MGMT: variants seen among roughly 807,000 people sequenced by gnomAD.
MGMT encodes methylated-DNA--protein-cysteine methyltransferase.
MGMT carries 14 observed loss-of-function variants against 15.9 expected under a neutral mutation model. The observed-to-expected ratio is 0.88, with a 90% CI of 0.58 to 1.37. The LOEUF (loss-of-function observed/expected upper bound fraction) is 1.37. Among genes scored for constraint, MGMT ranks in the 40% most tolerant of loss-of-function variants. MGMT has a pLI of 0.00. For synonymous variants in MGMT, 130 were observed against 118.2 expected (o/e 1.10, Z -0.65); for missense variants, 282 against 268.1 (o/e 1.05, Z -0.36).
At chr10:129,709,420 T>C (rs886959463) in intron 3 of MGMT, among the ~76,000 whole-genome samples, 1 of 152,146 alleles carries the variant, frequency 6.6e-6, no homozygotes, top group Admixed American at 6.5e-5. Context: ...AGTCAGAGAT[T>C]GGTTTTGTTT....
At chr10:129,687,414 A>G (rs905943597) in intron 2 of MGMT, among the ~76,000 whole-genome samples, 2 of 152,166 alleles carry the variant, frequency 1.3e-5, no homozygotes, top group Non-Finnish European at 2.9e-5. Flanking sequence ...CTGGACTGAA[A>G]ATTTAATAAG....
chr10:129,509,577 G>A (rs12257003), intron 1 of MGMT, among the ~76,000 whole-genome samples: 8,869 of 152,246 alleles, frequency 0.058, 870 homozygotes, highest in African/African-American at 0.2. Context: ...TAAATCTTGA[G>A]TTAAAATTCT....
rs1014419754 is a variant in MGMT, at chr10:129,544,461, G to A, written c.125+8084G>A. Among the ~76,000 whole-genome samples, 26 of 152,322 alleles carry A rather than the reference G, an allele frequency of 1.7e-4. 1 individual carries two copies. Among genetic ancestry groups the A allele is most frequent in the African/African-American group, 5.5e-4 (23 of 41,578 alleles). ...CAGCTTAGAGGCTTGTGGGGGTTTG[G>A]GTGTAGCCCCGTGCACAGTATCCTG... On this transcript the variant is annotated intron_variant, in intron 2 of 4. Transcript: ENST00000651593.
intron 2 of MGMT, among the ~76,000 whole-genome samples, chr10:129,594,864 G>A (rs181100874): frequency 7.9e-5 from 12 of 152,270 alleles, no homozygotes; most frequent in African/African-American, 2.4e-4. Context: ...ATTCCCCTGC[G>A]AGTTACACAC....
chr10:129,490,043 G>C (rs7082744), intron 1 of MGMT, among the ~76,000 whole-genome samples: 8,935 of 152,104 alleles, frequency 0.059, 861 homozygotes, highest in African/African-American at 0.2. Context: ...AATGATGCTT[G>C]CTATAGACTT....
intron 2 of MGMT, among the ~76,000 whole-genome samples, chr10:129,590,421 T>C (rs1279057376): frequency 1.3e-5 from 2 of 152,200 alleles, no homozygotes; most frequent in Non-Finnish European, 2.9e-5. Flanking sequence ...AACTCAGCAT[T>C]ATTTAAATTT....
chr10:129,698,979 G>T (rs926162645), intron 2 of MGMT, among the ~76,000 whole-genome samples: 1 of 152,178 alleles, frequency 6.6e-6, no homozygotes, highest in Non-Finnish European at 1.5e-5. Context: ...AAACACAAGT[G>T]CAGTAAGCTT....
At chr10:129,703,271 A>C (rs1275498119) in intron 2 of MGMT, among the ~76,000 whole-genome samples, 1 of 152,216 alleles carries the variant, frequency 6.6e-6, no homozygotes. Context: ...AAATTCTTCA[A>C]ATATCCCTTT....
In MGMT at chr10:129,641,547, C is replaced by A. The variant is rs1008409808; in HGVS notation, c.126-66348C>A. ...ATCATATAATTCCTTCAAGAATGGT[C>A]ATTAAATTCTGGATTTCACAGTTTC... On this transcript the variant is annotated intron_variant, in intron 2 of 4. Coordinates refer to ENST00000651593, the MANE Select transcript of MGMT (RefSeq NM_002412.5). Among the ~76,000 whole-genome samples the A allele has an allele frequency of 8.5e-5, 13 of 152,272 alleles. No individual in the cohort carries two copies. In the East Asian group the frequency reaches 2.5e-3, roughly 29 times the overall value.
intron 3 of MGMT, among the ~76,000 whole-genome samples, chr10:129,737,580 T>C (rs1392756257): frequency 6.6e-6 from 1 of 152,256 alleles, no homozygotes; most frequent in East Asian, 1.9e-4. Flanking sequence ...CATCCAGCTT[T>C]GTTCCGTTGC....
intron 3 of MGMT, among the ~76,000 whole-genome samples, chr10:129,726,779 G>T (rs1848439392): frequency 6.6e-6 from 1 of 152,128 alleles, no homozygotes; most frequent in Non-Finnish European, 1.5e-5. Flanking sequence ...CTAATTAAAA[G>T]CATCAGAATT....
chr10:129,715,044 A>G (rs900911270), intron 3 of MGMT, among the ~76,000 whole-genome samples: 24 of 152,186 alleles, frequency 1.6e-4, no homozygotes, highest in African/African-American at 5.5e-4. Flanking sequence ...GCCCTCACAC[A>G]GAGTAATTTA....
At chr10:129,586,318 C>A (rs1394324786) in intron 2 of MGMT, among the ~76,000 whole-genome samples, 2 of 152,168 alleles carry the variant, frequency 1.3e-5, no homozygotes, top group Admixed American at 1.3e-4. Context: ...TTTCCTCTTG[C>A]ACCTCTGTGA....
chr10:129,689,804 G>A (rs899924132), intron 2 of MGMT, among the ~76,000 whole-genome samples: 1 of 152,180 alleles, frequency 6.6e-6, no homozygotes, highest in Non-Finnish European at 1.5e-5. Context: ...TGCTGTGTGG[G>A]GTTTCAAATC....
chr10:129,640,313 G>T (rs111926459), intron 2 of MGMT, among the ~76,000 whole-genome samples: 1 of 151,982 alleles, frequency 6.6e-6, no homozygotes, highest in South Asian at 2.1e-4. Context: ...GGCCAGGCTG[G>T]TCTCAAACTC....
intron 2 of MGMT, among the ~76,000 whole-genome samples, chr10:129,617,144 G>A (rs1847037190): frequency 6.6e-6 from 1 of 152,076 alleles, no homozygotes; most frequent in Admixed American, 6.6e-5. Flanking sequence ...CCTCAAGTAG[G>A]CACCGTTGTC....
intron 2 of MGMT, among the ~76,000 whole-genome samples, chr10:129,537,415 A>G (rs998593287): frequency 2.0e-5 from 3 of 152,166 alleles, no homozygotes; most frequent in Non-Finnish European, 4.4e-5. Context: ...CCTTTGAACC[A>G]TGTGAATATA....
intron 3 of MGMT, among the ~76,000 whole-genome samples, chr10:129,736,200 C>T (rs1848558874): frequency 6.8e-6 from 1 of 146,376 alleles, no homozygotes; most frequent in Admixed American, 6.9e-5. Flanking sequence ...GAGTCTAAGT[C>T]TCTTTGTAGG....
chr10:129,676,189 C>T (rs996503411), intron 2 of MGMT, among the ~76,000 whole-genome samples: 1 of 152,218 alleles, frequency 6.6e-6, no homozygotes, highest in Admixed American at 6.5e-5. Context: ...TCACCCCCGC[C>T]TTTCCCCAGG....
Sources: gnomAD v4.1 joint callset for allele counts (sites outside exome capture counted in the v4.1 genomes callset) on GRCh38, gnomAD v4.1.1 for gene constraint, MANE v1.5 for transcripts, NCBI Gene and HGNC (gene_info 2026-07-23, HGNC 2026-07-21) for gene names.